NEIL3: variants seen among roughly 807,000 people sequenced by gnomAD.
NEIL3 encodes the protein nei like DNA glycosylase 3.
In NEIL3, 48 loss-of-function variants were observed where a neutral mutation model predicts 57.5. That is an observed-to-expected ratio of 0.83 (90% CI 0.66 to 1.06). The LOEUF is 1.06. Ranked by LOEUF, NEIL3 falls within the 50% of genes least tolerant of loss-of-function variation. NEIL3 has a pLI of 0.00. For synonymous variants in NEIL3, 261 were observed against 253.2 expected, an observed-to-expected ratio of 1.03 and a Z score of -0.29; for missense variants, 717 against 739.1, an observed-to-expected ratio of 0.97 and a Z score of 0.35.
the NEIL3 span, among the ~76,000 whole-genome samples, chr4:177,369,536 A>G: frequency 6.6e-6 from 1 of 152,328 alleles, no homozygotes; most frequent in African/African-American, 2.4e-5. Flanking sequence ...AAGCAAGCCA[A>G]TGCACACTGA....
chr4:177,341,729 C>G, intron 6 of NEIL3, 87 bp downstream of exon 6: 1 of 1,124,630 alleles, frequency 8.9e-7, no homozygotes, highest in Non-Finnish European at 1.2e-6. Flanking sequence ...GAATAACTGT[C>G]AGGCTATTCA....
intron 2 of NEIL3, among the ~76,000 whole-genome samples, chr4:177,329,944 C>T (rs1250467589): frequency 1.3e-5 from 2 of 151,670 alleles, no homozygotes; most frequent in African/African-American, 4.8e-5. Flanking sequence ...TGGAGTCTTG[C>T]TCTGTCACCC....
rs1734966535 is a variant in NEIL3 at position 177,335,811 on chromosome 4, A to G, written c.402A>G (p.Ser134=). The G allele has an allele frequency of 6.5e-7, 1 of 1,549,640 alleles. No individual in the cohort carries two copies. Among genetic ancestry groups the G allele is most frequent in the Non-Finnish European group, 8.7e-7 (1 of 1,153,894 alleles). ...TKDLICFFDS[S]VELRNSMESQ... The stretch of plus-strand genomic sequence containing the variant: ...ATTTGATTTGTTTCTTTGACTCATC[A>G]GTAGAACTCAGGTAAAAAAAATTAA... The change falls in exon 3 of 10, where the codon TCA becomes TCG. Residue 134 remains serine (S), a synonymous_variant. Transcript: ENST00000264596.
chr4:177,339,163 A>T (rs1176626256), intron 4 of NEIL3, among the ~76,000 whole-genome samples: 2 of 152,248 alleles, frequency 1.3e-5, no homozygotes, highest in Non-Finnish European at 2.9e-5. Context: ...TTGACTCTTC[A>T]AAAACGTAAC....
At chr4:177,311,301 A>T (rs926193497) in intron 1 of NEIL3, among the ~76,000 whole-genome samples, 22 of 152,288 alleles carry the variant, frequency 1.4e-4, no homozygotes, top group African/African-American at 4.8e-4. Context: ...ATATAAATTA[A>T]TAAGTTCTGT....
Position 177,353,309 on chromosome 4 carries a change from T to C in NEIL3, c.1041T>C (p.Asp347=). 6.2e-7 allele frequency: 1 copy of C among 1,605,630 alleles called. No individual in the cohort carries two copies. Among genetic ancestry groups the C allele is most frequent in the Non-Finnish European group, 8.5e-7 (1 of 1,177,360 alleles). ...AGAATTACTTCTCTCTCCTTCCAGA[T>C]TCAGTGCTCAAGAGTGAAGAAAATT... is the stretch of plus-strand genomic sequence containing the variant. ...CDACLTSRPI[D]SVLKSEENST... The change falls in exon 8 of 10, where the codon GAT becomes GAC. Residue 347 remains aspartate (D), a splice_region_variant and synonymous_variant. Coordinates refer to ENST00000264596, the MANE Select transcript of NEIL3 (RefSeq NM_018248.3).
At chr4:177,360,891 G>A (rs1347938173) in intron 9 of NEIL3, among the ~76,000 whole-genome samples, 4 of 152,140 alleles carry the variant, frequency 2.6e-5, no homozygotes, top group African/African-American at 9.7e-5. Context: ...TACATTGTTA[G>A]AGTATATCAT....
In NEIL3 at chr4:177,362,554, ATATC is replaced by A. The variant is rs34178234; in HGVS notation, c.*87_*90del. The A allele has an allele frequency of 0.027, 27,587 of 1,011,238 alleles. 617 individuals are homozygous for A. Among genetic ancestry groups the A allele is most frequent in the Admixed American group, 0.098 (3,612 of 36,792 alleles). The allele number at this position is 1,011,238 out of a possible 1,614,324, so 62.6% of individuals were successfully genotyped here. On this transcript the variant is annotated 3_prime_UTR_variant, in exon 10 of 10. Transcript: ENST00000264596. Reference sequence around the variant, plus strand: ...CTCTGTTTCATAGAAAAGTCATAGAATATCTATGATACATTGAAAAGTTACTGCA... The same window carrying A: ...CTCTGTTTCATAGAAAAGTCATAGAATATGATACATTGAAAAGTTACTGCA...
the NEIL3 span, among the ~76,000 whole-genome samples, chr4:177,368,562 T>C: frequency 1.3e-5 from 2 of 152,236 alleles, no homozygotes. Flanking sequence ...TATATGACTC[T>C]TCCTTATTCT....
At chr4:177,350,621 T>A (rs1301449565) in intron 6 of NEIL3, among the ~76,000 whole-genome samples, 1 of 152,202 alleles carries the variant, frequency 6.6e-6, no homozygotes. Flanking sequence ...ATTCTAGAGT[T>A]TCCTGAGTTT....
intron 2 of NEIL3, among the ~76,000 whole-genome samples, chr4:177,335,140 A>G (rs1001126728): frequency 2.6e-5 from 4 of 152,166 alleles, no homozygotes; most frequent in African/African-American, 9.6e-5. Context: ...AAATTGTTTC[A>G]TTGCCTAGTG....
intron 8 of NEIL3, among the ~76,000 whole-genome samples, chr4:177,358,222 C>T (rs1735521780): frequency 1.3e-5 from 2 of 152,126 alleles, no homozygotes; most frequent in Non-Finnish European, 2.9e-5. Context: ...TAACAAGCTC[C>T]GGGTGATGCT....
intron 6 of NEIL3, among the ~76,000 whole-genome samples, chr4:177,350,710 T>A (rs1481074062): frequency 1.3e-5 from 2 of 152,198 alleles, no homozygotes; most frequent in African/African-American, 4.8e-5. Context: ...TTCCCATAAT[T>A]TAATTGAATA....
chr4:177,325,678 A>G (rs945584322), intron 2 of NEIL3, among the ~76,000 whole-genome samples: 4 of 152,108 alleles, frequency 2.6e-5, no homozygotes, highest in African/African-American at 9.7e-5. Context: ...TCACCAGCAG[A>G]GTATGAGAAT....
At chr4:177,352,477 G>A (rs750932507) in intron 7 of NEIL3, among the ~76,000 whole-genome samples, 2 of 152,130 alleles carry the variant, frequency 1.3e-5, no homozygotes, top group Non-Finnish European at 2.9e-5. Flanking sequence ...AATATAGAAT[G>A]TATTATAGTA....
rs1421582050 is a variant in NEIL3 at position 177,353,332 on chromosome 4, A to G, written c.1064A>G (p.Asn355Ser). Reference sequence around the variant, plus strand: ...GATTCAGTGCTCAAGAGTGAAGAAAATTCTACTGTCTTTAGCCACTTAATG... The same window carrying G: ...GATTCAGTGCTCAAGAGTGAAGAAAGTTCTACTGTCTTTAGCCACTTAATG... ...PIDSVLKSEE[N>S]STVFSHLMKY... The change falls in exon 8 of 10, where the codon AAT (asparagine) becomes AGT (serine). Residue 355 changes from asparagine to serine, a missense_variant. Transcript: ENST00000264596. The G allele has an allele frequency of 1.2e-6, 2 of 1,612,752 alleles. No individual in the cohort carries two copies. Among genetic ancestry groups the G allele is most frequent in the East Asian group, 2.2e-5 (1 of 44,856 alleles).
chr4:177,349,171 C>T (rs1579003476), intron 6 of NEIL3, among the ~76,000 whole-genome samples: 2 of 151,840 alleles, frequency 1.3e-5, no homozygotes, highest in South Asian at 2.1e-4. Flanking sequence ...CGTGAGCCAC[C>T]GCGCCCGGCC....
chr4:177,334,733 A>G (rs1269842696), intron 2 of NEIL3, among the ~76,000 whole-genome samples: 1 of 152,226 alleles, frequency 6.6e-6, no homozygotes, highest in East Asian at 1.9e-4. Flanking sequence ...TTAACCTTGT[A>G]CAATACTATA....
At chr4:177,313,176 T>C (rs567875885) in intron 1 of NEIL3, among the ~76,000 whole-genome samples, 101 of 152,338 alleles carry the variant, frequency 6.6e-4, no homozygotes, top group Non-Finnish European at 1.2e-3. Context: ...TAAAGAAATA[T>C]TTAATGGGCA....
Sources: gnomAD v4.1 joint callset for allele counts (sites outside exome capture counted in the v4.1 genomes callset) on GRCh38, gnomAD v4.1.1 for gene constraint, MANE v1.5 for transcripts, NCBI Gene and HGNC (gene_info 2026-07-23, HGNC 2026-07-21) for gene names.